Variants in KMT2E observed in about 807,000 individuals in gnomAD.
KMT2E encodes histone reader KMT2E.
A neutral mutation model predicts 184.6 loss-of-function variants in KMT2E; 30 were observed. That is an observed-to-expected ratio of 0.16 (90% CI 0.12 to 0.22). The LOEUF is 0.22. KMT2E is among the 10% of genes least tolerant of loss of function. The pLI is 1.00. For synonymous variants in KMT2E, 815 were observed against 776.5 expected (o/e 1.05, Z -0.82); for missense variants, 2,023 against 2,237.4 (o/e 0.90, Z 1.93).
intron 23 of KMT2E, 76 bp downstream of exon 23, chr7:105,109,304 C>T: frequency 6.9e-7 from 1 of 1,449,148 alleles, no homozygotes; most frequent in Non-Finnish European, 9.4e-7. Flanking sequence ...TGTTGTTCTC[C>T]CAAGGCTAAG....
In KMT2E at chr7:105,053,962, C is replaced by T. The variant is rs532939231; in HGVS notation, c.72-8202C>T. 5.3e-5 allele frequency among the ~76,000 whole-genome samples: 8 copies of T among 152,086 alleles called. No individual in the cohort carries two copies. The East Asian group carries it at 9.7e-4, about 18-fold the overall frequency. On this transcript the variant is annotated intron_variant, in intron 3 of 26. Transcript: ENST00000311117. ...CCAAGGTGGGCAGATCACCTGGGGTCGGGAGCTTGAGACCAGCCTGGCCAA... is the reference window on the plus strand; with the variant it reads ...CCAAGGTGGGCAGATCACCTGGGGTTGGGAGCTTGAGACCAGCCTGGCCAA...
rs556596161 is a variant in KMT2E at position 105,036,169 on chromosome 7, C to G, written c.-188-1957C>G. 1.3e-4 allele frequency among the ~76,000 whole-genome samples: 19 copies of G among 141,506 alleles called. No homozygotes were observed. In the East Asian group the frequency reaches 4.1e-3, roughly 30 times the overall value. 92.8% of individuals were successfully genotyped at this position (141,506 alleles called of 152,430 possible). A position where few individuals can be genotyped will look rare whatever the true frequency, so the allele number is the denominator to read the frequency against. ...GTTTTTTGTTGTTGTTGTTGTTGTT[C>G]TTTTGGTTTTTTTTTTTGTTTTTTT... On this transcript the variant is annotated intron_variant, in intron 1 of 26. Coordinates refer to ENST00000311117, the MANE Select transcript of KMT2E (RefSeq NM_182931.3).
At chr7:105,096,228 T>C (rs1346883388) in intron 15 of KMT2E, among the ~76,000 whole-genome samples, 1 of 110,406 alleles carries the variant, frequency 9.1e-6, no homozygotes, top group Non-Finnish European at 1.7e-5. Flanking sequence ...CACTCCAGCC[T>C]GGGTGACAGT....
At chr7:105,021,699 A>AT (rs71155545) in intron 1 of KMT2E, among the ~76,000 whole-genome samples, 151,291 of 152,276 alleles carry the variant, frequency 0.99, 75,169 homozygotes, top group Middle Eastern at 1. Flanking sequence ...CGTTTCTCAG[A>AT]GTAAAGCAAG....
intron 15 of KMT2E, among the ~76,000 whole-genome samples, chr7:105,099,548 A>AAAACAAGAAAATATTTCTTGTATCCC (rs1798568548): frequency 6.6e-6 from 1 of 152,210 alleles, no homozygotes; most frequent in Non-Finnish European, 1.5e-5. Context: ...ATCTCTGACC[A>AAAACAAGAAAATATTTCTTGTATCCC]AAACAAGAAA....
At chr7:105,034,984 T>C (rs1184271446) in intron 1 of KMT2E, among the ~76,000 whole-genome samples, 1 of 151,550 alleles carries the variant, frequency 6.6e-6, no homozygotes, top group Non-Finnish European at 1.5e-5. Context: ...GTCTCCTGAT[T>C]AGCTGAGATT....
intron 3 of KMT2E, among the ~76,000 whole-genome samples, chr7:105,054,302 A>G (rs868121747): frequency 2.0e-4 from 30 of 152,088 alleles, no homozygotes; most frequent in African/African-American, 7.0e-4. Flanking sequence ...TATCAGATGA[A>G]CCTAATGATG....
intron 13 of KMT2E, 69 bp downstream of exon 13, chr7:105,081,866 G>C: frequency 1.5e-6 from 1 of 677,326 alleles, no homozygotes; most frequent in Non-Finnish European, 2.5e-6. Context: ...TAATAATTTA[G>C]GTATTGTCAT....
intron 3 of KMT2E, among the ~76,000 whole-genome samples, chr7:105,055,405 C>T (rs115756249): frequency 2.8e-4 from 42 of 152,108 alleles, no homozygotes; most frequent in African/African-American, 9.9e-4. Flanking sequence ...TAGCTGGATA[C>T]GCAGGGTTCT....
intron 11 of KMT2E, among the ~76,000 whole-genome samples, chr7:105,078,284 A>G (rs1018224118): frequency 2.6e-5 from 4 of 152,166 alleles, no homozygotes; most frequent in African/African-American, 7.2e-5. Context: ...TGGAATTTCT[A>G]CCTTCCATTA....
intron 1 of KMT2E, among the ~76,000 whole-genome samples, chr7:105,029,418 AAATAG>A (rs1795310915): frequency 6.6e-6 from 1 of 152,256 alleles, no homozygotes; most frequent in East Asian, 1.9e-4. Flanking sequence ...TTTGGTTTTA[AAATAG>A]AATAGTTGTA....
At chr7:105,105,384 C>A in intron 17 of KMT2E, 55 bp from the exon 18 acceptor site, 3 of 1,324,990 alleles carry the variant, frequency 2.3e-6, no homozygotes, top group South Asian at 1.5e-5. Context: ...TTAGAATATT[C>A]AAGGGAGAAT....
intron 1 of KMT2E, among the ~76,000 whole-genome samples, chr7:105,035,135 C>T (rs1795589697): frequency 6.6e-6 from 1 of 151,470 alleles, no homozygotes; most frequent in Non-Finnish European, 1.5e-5. Flanking sequence ...TGCCATTCTC[C>T]TGCCTCAGCC....
In KMT2E at chr7:105,086,506, C is replaced by G. The variant is rs548386458; in HGVS notation, c.1359-3503C>G. On this transcript the variant is annotated intron_variant, in intron 13 of 26. Coordinates refer to ENST00000311117, the MANE Select transcript of KMT2E (RefSeq NM_182931.3). ...GTGGGAGGCCATGGTGGGCGGATCA[C>G]TTGAGGTCAGGAGATCGAGACCAGC... 9.6e-4 allele frequency among the ~76,000 whole-genome samples: 146 copies of G among 152,190 alleles called. 1 individual carries two copies. Among genetic ancestry groups the G allele is most frequent in the African/African-American group, 3.4e-3 (142 of 41,522 alleles).
intron 14 of KMT2E, among the ~76,000 whole-genome samples, chr7:105,090,892 T>C (rs553850922): frequency 1.3e-5 from 2 of 152,208 alleles, no homozygotes; most frequent in African/African-American, 4.8e-5. Flanking sequence ...CAAACACTTT[T>C]TGAGCACTGG....
chr7:105,032,874 A>G (rs1378862850), intron 1 of KMT2E, among the ~76,000 whole-genome samples: 1 of 152,252 alleles, frequency 6.6e-6, no homozygotes, highest in African/African-American at 2.4e-5. Context: ...AGTAAAAAAT[A>G]TTCTACTCAA....
At chr7:105,057,418 GT>G (rs1265657858) in intron 3 of KMT2E, among the ~76,000 whole-genome samples, 2 of 152,010 alleles carry the variant, frequency 1.3e-5, no homozygotes, top group Non-Finnish European at 2.9e-5. Flanking sequence ...TGCCAATCTT[GT>G]TTCATCTGTC....
At position 105,081,787 on chromosome 7, in the gene KMT2E, T is replaced by G. The variant is rs1797771493; in HGVS notation, c.1348T>G (p.Tyr450Asp). The change falls in exon 13 of 27, where the codon TAT becomes GAT. Residue 450 changes from tyrosine to aspartate, a missense_variant. Coordinates refer to ENST00000311117, the MANE Select transcript of KMT2E (RefSeq NM_182931.3). ...TEITIAFDFDYGNCKYKVDCA... is the reference protein window; with the variant it reads ...TEITIAFDFDDGNCKYKVDCA... ...AATTACTATTGCCTTTGATTTTGAC[T>G]ATGGAAATTGGTGAGTTCAAGTCTA... 7.1e-7 allele frequency: 1 copy of G among 1,412,838 alleles called. No homozygotes were observed. The highest frequency in any genetic ancestry group is 2.3e-5 in the East Asian group (1 of 43,100). 87.5% of individuals were successfully genotyped at this position (1,412,838 alleles called of 1,614,324 possible).
At chr7:105,096,247 CAAAAAAAAAAAAA>C (rs11330758) in intron 15 of KMT2E, among the ~76,000 whole-genome samples, 1 of 69,268 alleles carries the variant, frequency 1.4e-5, no homozygotes, top group Non-Finnish European at 2.8e-5. Context: ...GTGAAAGGCT[CAAAAAAAAAAAAA>C]AAAAAAAAAA....
Sources: gnomAD v4.1 joint callset for allele counts (sites outside exome capture counted in the v4.1 genomes callset) on GRCh38, gnomAD v4.1.1 for gene constraint, MANE v1.5 for transcripts, NCBI Gene and HGNC (gene_info 2026-07-23, HGNC 2026-07-21) for gene names.